Variants in CMIP observed in about 807,000 individuals in gnomAD.
CMIP encodes the protein c-Maf inducing protein.
CMIP carries 13 observed loss-of-function variants against 97.3 expected under a neutral mutation model. The ratio of observed to expected loss-of-function variants is 0.13; its 90% confidence interval spans 0.09 to 0.21. The LOEUF is 0.21. Among genes scored for constraint, CMIP ranks in the 10% least tolerant of loss-of-function variants. The probability of loss-of-function intolerance (pLI) is 1.00; values close to 1 mark genes in which losing one functional copy is unlikely to be tolerated. For missense variants in CMIP, 847 were observed against 1,024.9 expected (o/e 0.83, Z 2.37); for synonymous variants, 538 against 436.3 (o/e 1.23, Z -2.91).
chr16:81,691,761 C>G lies in CMIP; in HGVS notation c.1389-14C>G, dbSNP rs759497038. ...GTCCCAACCAAAGCTGACTGTCACC[C>G]TCTCTCATTCTAGGTCAGACTATGA... On this transcript the variant is annotated splice_polypyrimidine_tract_variant and intron_variant, in intron 10 of 20. Coordinates refer to ENST00000537098, the MANE Select transcript of CMIP (RefSeq NM_198390.3). The G allele has an allele frequency of 2.5e-5, 41 of 1,612,266 alleles. No homozygotes were observed. Among genetic ancestry groups the G allele is most frequent in the Non-Finnish European group, 2.9e-5 (34 of 1,178,606 alleles).
intron 9 of CMIP, among the ~76,000 whole-genome samples, chr16:81,675,447 G>C (rs1409678318): frequency 6.7e-6 from 1 of 149,322 alleles, no homozygotes; most frequent in Non-Finnish European, 1.5e-5. Flanking sequence ...TCAAACTCCT[G>C]GCCTCAAGTG....
At chr16:81,583,297 T>TC (rs1299373293) in intron 1 of CMIP, among the ~76,000 whole-genome samples, 1 of 152,108 alleles carries the variant, frequency 6.6e-6, no homozygotes, top group African/African-American at 2.4e-5. Flanking sequence ...CACCGGCACT[T>TC]CCCCCCGGGG....
In CMIP at chr16:81,577,039, A is replaced by C. The variant is rs557080341; in HGVS notation, c.301-30528A>C. ...TATTATCACTATCACCATCACCATC[A>C]TCACCATCATAACCATCACCTTTAT... On this transcript the variant is annotated intron_variant, in intron 1 of 20. Coordinates refer to ENST00000537098, the MANE Select transcript of CMIP (RefSeq NM_198390.3). 2.0e-4 allele frequency among the ~76,000 whole-genome samples: 27 copies of C among 131,924 alleles called. 2 individuals carry two copies. Among genetic ancestry groups the C allele is most frequent in the South Asian group, 4.4e-4 (2 of 4,540 alleles). 86.5% of individuals were successfully genotyped at this position (131,924 alleles called of 152,430 possible). A position where few individuals can be genotyped will look rare whatever the true frequency, so the allele number is the denominator to read the frequency against.
At chr16:81,641,239 C>G (rs780535600) in intron 3 of CMIP, among the ~76,000 whole-genome samples, 2 of 152,088 alleles carry the variant, frequency 1.3e-5, no homozygotes, top group Non-Finnish European at 2.9e-5. Flanking sequence ...CAGCACCTAA[C>G]GCATGTTAGC....
At chr16:81,454,193 G>T (rs1383644628) in intron 1 of CMIP, among the ~76,000 whole-genome samples, 1 of 152,206 alleles carries the variant, frequency 6.6e-6, no homozygotes, top group African/African-American at 2.4e-5. Flanking sequence ...GTTCCTGGTT[G>T]CAACGATATT....
chr16:81,699,610 C>T (rs1907160126), intron 14 of CMIP, 75 bp from the exon 15 acceptor site: 1 of 949,408 alleles, frequency 1.1e-6, no homozygotes, highest in Non-Finnish European at 1.7e-6. Context: ...GGCTCTTGGG[C>T]TCACTTCCTG....
chr16:81,476,015 G>T, intron 1 of CMIP: 4 of 617,616 alleles, frequency 6.5e-6, no homozygotes, highest in Non-Finnish European at 1.2e-5. Context: ...TAAAACATAA[G>T]TCAAACTTTA....
chr16:81,460,852 A>C (rs964598011), intron 1 of CMIP, among the ~76,000 whole-genome samples: 1 of 152,214 alleles, frequency 6.6e-6, no homozygotes, highest in Non-Finnish European at 1.5e-5. Context: ...GATGACGGTG[A>C]TGATGGTAGT....
intron 3 of CMIP, among the ~76,000 whole-genome samples, chr16:81,648,404 G>T (rs897917060): frequency 2.0e-5 from 3 of 152,058 alleles, no homozygotes; most frequent in Non-Finnish European, 4.4e-5. Flanking sequence ...TGCCAGCTGT[G>T]CACCATGAAC....
chr16:81,453,334 T>C lies in CMIP; in HGVS notation c.300+7793T>C, dbSNP rs945913914. ...GTCCCTGGTGGATATAGGATTTGAG[T>C]GTATGGAATCAAACAGCCATCTGGG... On this transcript the variant is annotated intron_variant, in intron 1 of 20. Coordinates refer to ENST00000537098, the MANE Select transcript of CMIP (RefSeq NM_198390.3). This position sits in a 1 kb window ranked among gnomAD's most constrained non-coding sequence, Gnocchi z 4.0. 7.9e-5 allele frequency among the ~76,000 whole-genome samples: 12 copies of C among 152,088 alleles called. No individual in the cohort carries two copies. The highest frequency in any genetic ancestry group is 2.2e-4 in the African/African-American group (9 of 41,400).
rs1471368335 is a variant in CMIP at position 81,710,181 on chromosome 16, C to T, written c.*382C>T. On this transcript the variant is annotated 3_prime_UTR_variant, in exon 21 of 21. Transcript: ENST00000537098. ...CAACTCCGATGCCACCATTGCGGGC[C>T]GGACGAAGGATGCTTTCTTCCTAGA... The T allele has an allele frequency of 2.6e-5, 7 of 265,722 alleles. No homozygotes were observed. The highest frequency in any genetic ancestry group is 4.7e-5 in the South Asian group (1 of 21,096). 16.5% of individuals were successfully genotyped at this position (265,722 alleles called of 1,614,324 possible).
At chr16:81,470,426 C>T (rs138183061) in intron 1 of CMIP, among the ~76,000 whole-genome samples, 131 of 152,290 alleles carry the variant, frequency 8.6e-4, no homozygotes, top group African/African-American at 2.7e-3. Context: ...GCACAGAGGC[C>T]GGGTCACAGA....
chr16:81,631,966 A>T (rs2092167253), intron 3 of CMIP: 1 of 152,250 alleles, frequency 6.6e-6, no homozygotes, highest in South Asian at 2.1e-4. Context: ...GCTTTTTAAA[A>T]TACCGAAAAG....
chr16:81,587,046 G>C (rs1048002422), intron 1 of CMIP, among the ~76,000 whole-genome samples: 1 of 152,362 alleles, frequency 6.6e-6, no homozygotes, highest in East Asian at 1.9e-4. Flanking sequence ...GATGAAATCT[G>C]TGTGGTTGGT....
chr16:81,605,435 C>G (rs1401801303), intron 1 of CMIP, among the ~76,000 whole-genome samples: 4 of 152,220 alleles, frequency 2.6e-5, no homozygotes, highest in East Asian at 1.9e-4. Context: ...CAGGCTGTCC[C>G]CCTGCCACCA....
chr16:81,638,396 A>G (rs1444692171), intron 3 of CMIP, among the ~76,000 whole-genome samples: 1 of 152,098 alleles, frequency 6.6e-6, no homozygotes, highest in African/African-American at 2.4e-5. Flanking sequence ...GCATCTTGAC[A>G]CAGGAATGAG....
At chr16:81,488,292 T>G (rs943441556) in intron 1 of CMIP, among the ~76,000 whole-genome samples, 1 of 152,150 alleles carries the variant, frequency 6.6e-6, no homozygotes, top group African/African-American at 2.4e-5. Flanking sequence ...CTTCCTCCAC[T>G]TCCTCCACTT....
intron 1 of CMIP, among the ~76,000 whole-genome samples, chr16:81,457,065 C>T (rs1047765498): frequency 6.6e-6 from 1 of 152,136 alleles, no homozygotes; most frequent in African/African-American, 2.4e-5. Flanking sequence ...GCACGAAGTT[C>T]AAAGTCTACT....
intron 19 of CMIP, 123 bp from the exon 20 acceptor site, chr16:81,706,891 C>T (rs1245978439): frequency 1.3e-6 from 1 of 784,364 alleles, no homozygotes; most frequent in Admixed American, 2.1e-5. Context: ...AAACCTCCCT[C>T]CCCAGCCCCA....
Sources: allele counts gnomAD v4.1 joint callset (sites outside exome capture counted in the v4.1 genomes callset), GRCh38; gene constraint gnomAD v4.1.1; non-coding constraint Gnocchi (gnomAD v3.1); transcripts MANE v1.5; gene names NCBI Gene and HGNC (gene_info 2026-07-23, HGNC 2026-07-21).